PLCB1: variants seen among roughly 807,000 people sequenced by gnomAD.
The protein encoded by PLCB1 is 1-phosphatidylinositol 4,5-bisphosphate phosphodiesterase beta-1.
In PLCB1, 46 loss-of-function variants were observed where a neutral mutation model predicts 161.8. That is an observed-to-expected ratio of 0.28 (90% CI 0.22 to 0.36). The LOEUF is 0.36. Among genes scored for constraint, PLCB1 ranks in the 10% least tolerant of loss-of-function variants. The pLI, the probability that PLCB1 is intolerant of heterozygous loss-of-function variation, is 1.00. For synonymous variants in PLCB1, 517 were observed against 503.7 expected (o/e 1.03, Z -0.35); for missense variants, 1,016 against 1,472.5 (o/e 0.69, Z 5.07).
At chr20:8,341,712 TG>T (rs1336936242) in intron 2 of PLCB1, among the ~76,000 whole-genome samples, 1 of 152,246 alleles carries the variant, frequency 6.6e-6, no homozygotes, top group Non-Finnish European at 1.5e-5. Flanking sequence ...TTTATGTAGA[TG>T]TTAACATTTC....
intron 31 of PLCB1, among the ~76,000 whole-genome samples, chr20:8,875,275 A>G (rs1393772596): frequency 6.6e-6 from 1 of 150,486 alleles, no homozygotes; most frequent in Non-Finnish European, 1.5e-5. Flanking sequence ...CCCCATGATT[A>G]TACAGTTATT....
intron 4 of PLCB1, among the ~76,000 whole-genome samples, chr20:8,629,826 TTTC>T (rs561904211): frequency 0.21 from 8,402 of 39,244 alleles, 265 homozygotes; most frequent in African/African-American, 0.25. Context: ...CTTTTCTTTC[TTTC>T]TTTCTTTCTT....
intron 1 of PLCB1, among the ~76,000 whole-genome samples, chr20:8,133,963 C>T (rs1027669636): frequency 2.0e-5 from 3 of 152,208 alleles, no homozygotes; most frequent in Non-Finnish European, 2.9e-5. Context: ...AATCCAATTA[C>T]TTAGCTGAGT....
At chr20:8,709,443 T>C (rs1158220927) in intron 12 of PLCB1, among the ~76,000 whole-genome samples, 1 of 152,214 alleles carries the variant, frequency 6.6e-6, no homozygotes, top group Non-Finnish European at 1.5e-5. Context: ...TTCTTATCCA[T>C]ATTGAATGAA....
chr20:8,564,610 A>G (rs1211243924), intron 3 of PLCB1, among the ~76,000 whole-genome samples: 1 of 152,192 alleles, frequency 6.6e-6, no homozygotes, highest in Admixed American at 6.5e-5. Flanking sequence ...AATATTCAGA[A>G]TCTACAAAGA....
At chr20:8,692,301 C>T (rs1176620489) in intron 10 of PLCB1, among the ~76,000 whole-genome samples, 1 of 152,164 alleles carries the variant, frequency 6.6e-6, no homozygotes, top group African/African-American at 2.4e-5. Context: ...ACTTTGAGCA[C>T]CCCTCCTCTC....
At chr20:8,437,922 T>A (rs943720456) in intron 3 of PLCB1, among the ~76,000 whole-genome samples, 2 of 152,116 alleles carry the variant, frequency 1.3e-5, no homozygotes. Flanking sequence ...TGCCAATAAA[T>A]GATACTGAGA....
intron 3 of PLCB1, among the ~76,000 whole-genome samples, chr20:8,572,670 A>G (rs1986558035): frequency 6.6e-6 from 1 of 152,192 alleles, no homozygotes; most frequent in Non-Finnish European, 1.5e-5. Context: ...TCCTCTGCTT[A>G]TGTGCATTCT....
chr20:8,233,292 C>G (rs1321113721), intron 2 of PLCB1, among the ~76,000 whole-genome samples: 1 of 151,986 alleles, frequency 6.6e-6, no homozygotes, highest in East Asian at 1.9e-4. Context: ...GATTATTGTA[C>G]AGTGAGAAAT....
At chr20:8,846,143 G>T (rs1463080001) in intron 31 of PLCB1, among the ~76,000 whole-genome samples, 1 of 152,188 alleles carries the variant, frequency 6.6e-6, no homozygotes, top group African/African-American at 2.4e-5. Context: ...TACAATCATG[G>T]CAGAAGGTGA....
chr20:8,706,961 A>T (rs1282982175), intron 11 of PLCB1, among the ~76,000 whole-genome samples: 1 of 152,196 alleles, frequency 6.6e-6, no homozygotes, highest in African/African-American at 2.4e-5. Flanking sequence ...ACAGCTTGCA[A>T]ATCTCAGAGG....
At chr20:8,791,511 A>G (rs1216303095) in intron 31 of PLCB1, among the ~76,000 whole-genome samples, 2 of 152,200 alleles carry the variant, frequency 1.3e-5, no homozygotes, top group Non-Finnish European at 2.9e-5. Context: ...TTTCTAATCT[A>G]TGCTGTCTGG....
intron 3 of PLCB1, among the ~76,000 whole-genome samples, chr20:8,408,223 C>A (rs186052813): frequency 9.9e-4 from 151 of 152,254 alleles, no homozygotes; most frequent in African/African-American, 3.6e-3. Context: ...CTCTTTGCAA[C>A]TTTTCTGTAA....
At chr20:8,640,999 G>A (rs1988938065) in intron 4 of PLCB1, among the ~76,000 whole-genome samples, 1 of 152,090 alleles carries the variant, frequency 6.6e-6, no homozygotes, top group African/African-American at 2.4e-5. Context: ...CTCTTCCTTA[G>A]AGTATCAGGA....
chr20:8,633,661 A>G (rs970138279), intron 4 of PLCB1, among the ~76,000 whole-genome samples: 1 of 152,132 alleles, frequency 6.6e-6, no homozygotes, highest in African/African-American at 2.4e-5. Context: ...TTAATGTTTT[A>G]CTGAAATGTA....
chr20:8,824,476 G>A (rs1324507202), intron 31 of PLCB1, among the ~76,000 whole-genome samples: 1 of 152,104 alleles, frequency 6.6e-6, no homozygotes, highest in Admixed American at 6.5e-5. Flanking sequence ...TCCATATTTT[G>A]TGGCAGGAGA....
chr20:8,810,023 T>G (rs955941910), intron 31 of PLCB1, among the ~76,000 whole-genome samples: 10 of 152,130 alleles, frequency 6.6e-5, no homozygotes, highest in Non-Finnish European at 1.3e-4. Context: ...CCTCTAAAAG[T>G]TTTATGTAGC....
intron 7 of PLCB1, among the ~76,000 whole-genome samples, chr20:8,650,200 G>A (rs1169892445): frequency 1.3e-5 from 2 of 151,994 alleles, no homozygotes; most frequent in Non-Finnish European, 2.9e-5. Context: ...TAATGATAGT[G>A]TTGAGTTAGG....
At chr20:8,351,994 T>TACCTA (rs1223350206) in intron 2 of PLCB1, among the ~76,000 whole-genome samples, 3 of 152,242 alleles carry the variant, frequency 2.0e-5, no homozygotes, top group Middle Eastern at 3.4e-3. Flanking sequence ...CCTAGGTATT[T>TACCTA]ACCTAACAGA....
Sources: allele counts gnomAD v4.1 joint callset (sites outside exome capture counted in the v4.1 genomes callset), GRCh38; gene constraint gnomAD v4.1.1; transcripts MANE v1.5; gene names NCBI Gene and HGNC (gene_info 2026-07-23, HGNC 2026-07-21).